Variants in FHIT observed in about 807,000 individuals in gnomAD.
FHIT encodes fragile histidine triad diadenosine triphosphatase, also known as bis(5'-adenosyl)-triphosphatase.
FHIT carries 19 observed loss-of-function variants against 17.9 expected under a neutral mutation model. The ratio of observed to expected loss-of-function variants is 1.06; its 90% CI spans 0.74 to 1.56. The LOEUF (loss-of-function observed/expected upper bound fraction) is 1.56, where lower values mean the gene tolerates loss of function less well. Ranked by LOEUF, FHIT falls within the 40% of genes most tolerant of loss-of-function variation. FHIT has a pLI of 0.00. For synonymous variants in FHIT, 81 were observed against 69.7 expected (o/e 1.16, Z -0.81); for missense variants, 248 against 189.2 (o/e 1.31, Z -1.82).
chr3:60,947,841 T>A (rs1231337270), intron 3 of FHIT, among the ~76,000 whole-genome samples: 2 of 152,144 alleles, frequency 1.3e-5, no homozygotes, highest in African/African-American at 4.8e-5. Flanking sequence ...CCAGATAACA[T>A]CTAGATATTT....
intron 8 of FHIT, among the ~76,000 whole-genome samples, chr3:59,858,577 G>T (rs752705585): frequency 1.3e-5 from 2 of 152,002 alleles, no homozygotes; most frequent in South Asian, 2.1e-4. Flanking sequence ...AGGCAGGAGC[G>T]AGGGGTGTCT....
chr3:60,816,786 A>G (rs1321210772), intron 4 of FHIT, among the ~76,000 whole-genome samples: 1 of 151,968 alleles, frequency 6.6e-6, no homozygotes, highest in Non-Finnish European at 1.5e-5. Flanking sequence ...ATTTTTTGGA[A>G]TAGTTCAGTA....
chr3:61,075,517 A>T (rs1462312788), intron 2 of FHIT, among the ~76,000 whole-genome samples: 2 of 152,100 alleles, frequency 1.3e-5, no homozygotes, highest in Non-Finnish European at 2.9e-5. Flanking sequence ...AAACAAAATT[A>T]AAAAAAGATA....
chr3:60,174,018 A>G (rs1436991225), intron 5 of FHIT, among the ~76,000 whole-genome samples: 1 of 145,666 alleles, frequency 6.9e-6, no homozygotes, highest in Non-Finnish European at 1.5e-5. Flanking sequence ...GGTTCAAGTG[A>G]TTCTCCTGCT....
chr3:60,688,014 T>G (rs2040898212), intron 4 of FHIT, among the ~76,000 whole-genome samples: 1 of 152,192 alleles, frequency 6.6e-6, no homozygotes, highest in African/African-American at 2.4e-5. Flanking sequence ...TTGTCCATTC[T>G]ATTGTTCTTT....
At chr3:59,889,812 G>A (rs1259184993) in intron 8 of FHIT, among the ~76,000 whole-genome samples, 1 of 152,202 alleles carries the variant, frequency 6.6e-6, no homozygotes, top group Non-Finnish European at 1.5e-5. Flanking sequence ...TGCAGCAACA[G>A]TACAGTAATA....
intron 8 of FHIT, among the ~76,000 whole-genome samples, chr3:59,813,995 C>A (rs1700501596): frequency 6.6e-6 from 1 of 151,100 alleles, no homozygotes; most frequent in Admixed American, 6.6e-5. Context: ...ACTGACAATT[C>A]TAAAAGGACG....
At chr3:60,591,167 C>T (rs1333082255) in intron 4 of FHIT, among the ~76,000 whole-genome samples, 1 of 152,084 alleles carries the variant, frequency 6.6e-6, no homozygotes, top group Non-Finnish European at 1.5e-5. Flanking sequence ...ACCCCACAAA[C>T]TAAAACATAT....
intron 5 of FHIT, among the ~76,000 whole-genome samples, chr3:60,035,387 C>G (rs1360984080): frequency 1.3e-5 from 2 of 152,178 alleles, no homozygotes; most frequent in East Asian, 3.9e-4. Context: ...CAGGTGCCTG[C>G]CACCATGCCC....
At chr3:61,107,655 G>A (rs1193394148) in intron 2 of FHIT, among the ~76,000 whole-genome samples, 2 of 152,166 alleles carry the variant, frequency 1.3e-5, no homozygotes, top group Non-Finnish European at 2.9e-5. Context: ...ATAATAGCCT[G>A]ATAAAGAAAA....
chr3:60,300,015 G>A (rs1047823198), intron 5 of FHIT, among the ~76,000 whole-genome samples: 2 of 152,018 alleles, frequency 1.3e-5, no homozygotes, highest in African/African-American at 4.8e-5. Context: ...GTCAGCTAAG[G>A]GTTACTAGCT....
chr3:59,795,792 C>T (rs1249349566), intron 8 of FHIT, among the ~76,000 whole-genome samples: 1 of 152,124 alleles, frequency 6.6e-6, no homozygotes, highest in African/African-American at 2.4e-5. Flanking sequence ...AGAGGTGCCC[C>T]GCTGTGCAGC....
chr3:59,809,732 G>T lies in FHIT; in HGVS notation c.349-57411C>A, dbSNP rs559109539. On this transcript the variant is annotated intron_variant, in intron 8 of 9. Coordinates refer to ENST00000492590, the MANE Select transcript of FHIT (RefSeq NM_002012.4). ...GTTTTATTTGTTTGCTTGTTTCCAGGAGAAGAGAAGATTGGCCTCAGACAC... is the reference window on the plus strand; with the variant it reads ...GTTTTATTTGTTTGCTTGTTTCCAGTAGAAGAGAAGATTGGCCTCAGACAC... Among the ~76,000 whole-genome samples, 3 of 152,238 alleles carry T rather than the reference G, an allele frequency of 2.0e-5. No homozygotes were observed. In the South Asian group the frequency reaches 6.2e-4, roughly 32 times the overall value.
chr3:60,567,953 AAAC>A (rs1392463609), intron 4 of FHIT, among the ~76,000 whole-genome samples: 2 of 152,190 alleles, frequency 1.3e-5, no homozygotes, highest in African/African-American at 4.8e-5. Flanking sequence ...AAAAGTCAGG[AAAC>A]AACAGGTGCT....
At chr3:59,894,412 C>T (rs1355472095) in intron 8 of FHIT, among the ~76,000 whole-genome samples, 1 of 152,132 alleles carries the variant, frequency 6.6e-6, no homozygotes, top group Non-Finnish European at 1.5e-5. Flanking sequence ...ACTTCATAAA[C>T]ATTAGCATCA....
intron 7 of FHIT, among the ~76,000 whole-genome samples, chr3:59,955,800 C>T (rs768116153): frequency 6.6e-6 from 1 of 152,116 alleles, no homozygotes; most frequent in Non-Finnish European, 1.5e-5. Context: ...ATATGTTAAC[C>T]GTATACGTTT....
intron 1 of FHIT, among the ~76,000 whole-genome samples, chr3:61,230,190 T>A (rs1359589038): frequency 6.6e-6 from 1 of 152,244 alleles, no homozygotes; most frequent in East Asian, 1.9e-4. Context: ...AAATCTCATG[T>A]TGAATTATAA....
intron 2 of FHIT, among the ~76,000 whole-genome samples, chr3:61,069,477 T>A (rs1439001): frequency 1.3e-5 from 2 of 152,026 alleles, no homozygotes; most frequent in South Asian, 2.1e-4. Context: ...GATTAAGGAC[T>A]GTTATGGTAG....
chr3:60,057,752 G>A (rs1702138982), intron 5 of FHIT, among the ~76,000 whole-genome samples: 1 of 150,996 alleles, frequency 6.6e-6, no homozygotes, highest in Non-Finnish European at 1.5e-5. Flanking sequence ...TTTTGACAAT[G>A]AGATGCTGGA....
Sources: gnomAD v4.1 joint callset for allele counts (sites outside exome capture counted in the v4.1 genomes callset) on GRCh38, gnomAD v4.1.1 for gene constraint, MANE v1.5 for transcripts, NCBI Gene and HGNC (gene_info 2026-07-23, HGNC 2026-07-21) for gene names.